Variants in CALM3 observed in about 807,000 individuals in gnomAD.
CALM3 encodes calmodulin-3.
In CALM3, 5 loss-of-function variants were observed where a neutral mutation model predicts 20.1. That is an observed-to-expected ratio of 0.25 (90% CI 0.13 to 0.52). CALM3 has a LOEUF of 0.52. Among genes scored for constraint, CALM3 ranks in the 20% least tolerant of loss-of-function variants. The probability of loss-of-function intolerance (pLI) is 0.96; values close to 1 mark genes in which losing one functional copy is unlikely to be tolerated. For synonymous variants in CALM3, 69 were observed against 68.1 expected (o/e 1.01, Z -0.06); for missense variants, 57 against 192.8 (o/e 0.30, Z 4.17).
In CALM3 at chr19:46,601,683, C is replaced by T. The variant is rs531250222; in HGVS notation, c.3+246C>T. On this transcript the variant is annotated intron_variant, in intron 1 of 5. Transcript: ENST00000291295. This position sits in a 1 kb window ranked among gnomAD's most constrained non-coding sequence, Gnocchi z 4.2. ...TTAAGTCCACAAATGGGTATCTGAG[C>T]CCCTAAAGGGGACATTTGAACCCCG... Among the ~76,000 whole-genome samples the T allele has an allele frequency of 6.6e-6, 1 of 152,310 alleles. No homozygotes were observed. The highest frequency in any genetic ancestry group is 2.4e-5 in the African/African-American group (1 of 41,558).
chr19:46,601,167 G>C (rs953000365), upstream of CALM3: 1 of 557,852 alleles, frequency 1.8e-6, no homozygotes, highest in African/African-American at 2.0e-5. This position sits in a 1 kb window ranked among gnomAD's most constrained non-coding sequence, Gnocchi z 4.2. Context: ...AGAGATTCGC[G>C]GGCCCGTAGG....
Position 46,610,015 on chromosome 19 carries a change from G to C in CALM3, c.*862G>C, listed in dbSNP as rs1971842336. 1.3e-5 allele frequency: 2 copies of C among 152,776 alleles called. No individual in the cohort carries two copies. Among genetic ancestry groups the C allele is most frequent in the African/African-American group, 4.8e-5 (2 of 41,456 alleles). 9.5% of individuals were successfully genotyped at this position (152,776 alleles called of 1,614,324 possible). A position where few individuals can be genotyped will look rare whatever the true frequency, so the allele number is the denominator to read the frequency against. ...CGTCCTAGGAATGGATGTGGGGATG[G>C]TCGCTTTGTAATGTGCTGGTTCTCT... On this transcript the variant is annotated 3_prime_UTR_variant, in exon 6 of 6. Transcript: ENST00000291295.
chr19:46,606,605 A>G (rs953207622), intron 2 of CALM3, among the ~76,000 whole-genome samples: 5 of 152,242 alleles, frequency 3.3e-5, no homozygotes, highest in Middle Eastern at 3.4e-3. Context: ...GCCTGCCTAG[A>G]ACGTAGTAGG....
Position 46,609,156 on chromosome 19 carries a change from G to T in CALM3, c.*3G>T, listed in dbSNP as rs1568667156. 8 of 1,613,812 alleles carry T rather than the reference G, an allele frequency of 5.0e-6. No individual in the cohort carries two copies. The highest frequency in any genetic ancestry group is 1.7e-5 in the Admixed American group (1 of 59,996). On this transcript the variant is annotated 3_prime_UTR_variant, in exon 6 of 6. Transcript: ENST00000291295. ...TACAGATGATGACTGCAAAGTGAAG[G>T]CCCCCCGGGCAGCTGGCGATGCCCG...
Position 46,609,348 on chromosome 19 carries a change from C to CTT in CALM3, c.*195_*196insTT, listed in dbSNP as rs1971820642. 5 of 637,470 alleles carry CTT rather than the reference C, an allele frequency of 7.8e-6. No individual in the cohort carries two copies. In the South Asian group the frequency reaches 9.3e-5, roughly 12 times the overall value. 39.5% of individuals were successfully genotyped at this position (637,470 alleles called of 1,614,324 possible). ...TCTCCTTCTTCCCTGAGTCTCTCTC[C>CTT]ATGCCCCTCATCTCTTCCTTTTGCC... is the stretch of plus-strand genomic sequence containing the variant. On this transcript the variant is annotated 3_prime_UTR_variant, in exon 6 of 6. Transcript: ENST00000291295.
In CALM3 at chr19:46,608,642, A is replaced by G. The variant is rs1321528038; in HGVS notation, c.285+54A>G. 1 of 1,470,984 alleles carries G rather than the reference A, an allele frequency of 6.8e-7. No individual in the cohort carries two copies. The highest frequency in any genetic ancestry group is 9.5e-7 in the Non-Finnish European group (1 of 1,054,718). The allele number at this position is 1,470,984 out of a possible 1,614,324, so 91.1% of individuals were successfully genotyped here. A position where few individuals can be genotyped will look rare whatever the true frequency, so the allele number is the denominator to read the frequency against. ...GAGACTGACGCCAGCCTTCAGGCAG[A>G]CAGGCGGAACTGGAGCCACGGAGCT... On this transcript the variant is annotated intron_variant, in intron 4 of 5. Coordinates refer to ENST00000291295, the MANE Select transcript of CALM3 (RefSeq NM_005184.4). This position sits in a 1 kb window ranked among gnomAD's most constrained non-coding sequence, Gnocchi z 5.5.
upstream of CALM3, chr19:46,601,275 C>T (rs1971605797): frequency 2.0e-6 from 1 of 496,310 alleles, no homozygotes; most frequent in Non-Finnish European, 2.8e-6. The surrounding 1 kb of genome is among the most constrained non-coding windows in gnomAD (Gnocchi z 4.2). Flanking sequence ...GCGCGGCGGC[C>T]GTTGAGGGAC....
In CALM3 at chr19:46,608,717, C is replaced by A; in HGVS notation, c.285+129C>A. ...CGGTGCCAGCCTCATTGCCAACCTG[C>A]TCTGCCACCTCAGGCAGCCTCCCTC... On this transcript the variant is annotated intron_variant, in intron 4 of 5. Transcript: ENST00000291295. The surrounding 1 kb of genome is among the most constrained non-coding windows in gnomAD (Gnocchi z 5.5). 7.8e-7 allele frequency: 1 copy of A among 1,285,136 alleles called. No homozygotes were observed. Among genetic ancestry groups the A allele is most frequent in the Non-Finnish European group, 1.1e-6 (1 of 924,628 alleles). The allele number at this position is 1,285,136 out of a possible 1,614,324, so 79.6% of individuals were successfully genotyped here. A position where few individuals can be genotyped will look rare whatever the true frequency, so the allele number is the denominator to read the frequency against.
At position 46,605,765 on chromosome 19, in the gene CALM3, T is replaced by G; in HGVS notation, c.4-62T>G. ...ACTGGGGCCGAGGGTCTGGGCTGAG[T>G]GAGGAAGATGCGTCCGTGCTGTCCG... On this transcript the variant is annotated intron_variant, in intron 1 of 5. Transcript: ENST00000291295. This position sits in a 1 kb window ranked among gnomAD's most constrained non-coding sequence, Gnocchi z 4.1. The G allele has an allele frequency of 5.7e-6, 9 of 1,570,682 alleles. No homozygotes were observed. The highest frequency in any genetic ancestry group is 6.1e-6 in the Non-Finnish European group (7 of 1,141,156).
Position 46,608,618 on chromosome 19 carries a change from A to G in CALM3, c.285+30A>G, listed in dbSNP as rs374843807. On this transcript the variant is annotated intron_variant, in intron 4 of 5. Transcript: ENST00000291295. This position sits in a 1 kb window ranked among gnomAD's most constrained non-coding sequence, Gnocchi z 5.5. ...GCAGCCCTCTCCAGGGGCGGCTCTG[A>G]GACTGACGCCAGCCTTCAGGCAGAC... 3.2e-5 allele frequency: 49 copies of G among 1,548,988 alleles called. No individual in the cohort carries two copies. Among genetic ancestry groups the G allele is most frequent in the African/African-American group, 4.1e-5 (3 of 73,506 alleles).
Position 46,608,986 on chromosome 19 carries a change from G to A in CALM3, c.421+5G>A, listed in dbSNP as rs376694389. On this transcript the variant is annotated splice_donor_5th_base_variant and intron_variant, in intron 5 of 5. Coordinates refer to ENST00000291295, the MANE Select transcript of CALM3 (RefSeq NM_005184.4). This position sits in a 1 kb window ranked among gnomAD's most constrained non-coding sequence, Gnocchi z 5.5. ...ATGGCCAGGTCAATTATGAAGGTGA[G>A]TCAAGGCCAGGCTTGATCTCTGGAA... is the stretch of plus-strand genomic sequence containing the variant. 8 of 1,602,076 alleles carry A rather than the reference G, an allele frequency of 5.0e-6. No individual in the cohort carries two copies. The highest frequency in any genetic ancestry group is 1.3e-5 in the African/African-American group (1 of 74,824).
In CALM3 at chr19:46,605,950, C is replaced by T. The variant is rs1971734074; in HGVS notation, c.34+93C>T. 2 of 1,095,232 alleles carry T rather than the reference C, an allele frequency of 1.8e-6. No homozygotes were observed. The highest frequency in any genetic ancestry group is 1.7e-5 in the Admixed American group (1 of 58,324). The allele number at this position is 1,095,232 out of a possible 1,614,324, so 67.8% of individuals were successfully genotyped here. Reference sequence around the variant, plus strand: ...TGAGGAGTGACATCTGATGGGTGAACCTGTGTATCCCTTGTGTCACCTAAC... The same window carrying T: ...TGAGGAGTGACATCTGATGGGTGAATCTGTGTATCCCTTGTGTCACCTAAC... On this transcript the variant is annotated intron_variant, in intron 2 of 5. Coordinates refer to ENST00000291295, the MANE Select transcript of CALM3 (RefSeq NM_005184.4). The surrounding 1 kb of genome is among the most constrained non-coding windows in gnomAD (Gnocchi z 4.1).
Position 46,609,444 on chromosome 19 carries a change from G to A in CALM3, c.*291G>A. On this transcript the variant is annotated 3_prime_UTR_variant, in exon 6 of 6. Coordinates refer to ENST00000291295, the MANE Select transcript of CALM3 (RefSeq NM_005184.4). ...GTTGAAGCCCTCCCCAGATCCCCTT[G>A]GGGAGCCTCTGCCCTCCTCCAGCCC... 1 of 500,094 alleles carries A rather than the reference G, an allele frequency of 2.0e-6. No individual in the cohort carries two copies. The allele number at this position is 500,094 out of a possible 1,614,324, so 31.0% of individuals were successfully genotyped here. A position where few individuals can be genotyped will look rare whatever the true frequency, so the allele number is the denominator to read the frequency against.
chr19:46,602,478 T>C (rs946744251), intron 1 of CALM3: 2 of 110,718 alleles, frequency 1.8e-5, no homozygotes, highest in Non-Finnish European at 3.9e-5. Flanking sequence ...GGTTTGGGGG[T>C]GGATGTGGGT....
intron 1 of CALM3, among the ~76,000 whole-genome samples, chr19:46,604,457 C>G (rs1457776316): frequency 1.3e-5 from 2 of 152,120 alleles, no homozygotes; most frequent in Non-Finnish European, 2.9e-5. Context: ...CCTCTTTCCC[C>G]CTCCCTAAGC....
chr19:46,601,252 C>T, upstream of CALM3: 1 of 334,874 alleles, frequency 3.0e-6, no homozygotes, highest in Non-Finnish European at 4.4e-6. The surrounding 1 kb of genome is among the most constrained non-coding windows in gnomAD (Gnocchi z 4.2). Context: ...CGGGGCCGAG[C>T]GAGGCGGGGC....
chr19:46,605,792 C>T lies in CALM3; in HGVS notation c.4-35C>T, dbSNP rs754915710. The T allele has an allele frequency of 2.5e-6, 4 of 1,613,104 alleles. No individual in the cohort carries two copies. The Admixed American group carries it at 6.7e-5, about 27-fold the overall frequency. On this transcript the variant is annotated intron_variant, in intron 1 of 5. Coordinates refer to ENST00000291295, the MANE Select transcript of CALM3 (RefSeq NM_005184.4). This position sits in a 1 kb window ranked among gnomAD's most constrained non-coding sequence, Gnocchi z 4.1. ...AGGAAGATGCGTCCGTGCTGTCCGG[C>T]CTGGTGACTGACTTTCCCCTTCATG...
In CALM3 at chr19:46,608,353, G is replaced by A; in HGVS notation, c.178+13G>A. ...GTGGATGCAGATGGTGAGCCCCACA[G>A]AGCGCGTGGGCAGCCCTGCTCCTGG... is the stretch of plus-strand genomic sequence containing the variant. On this transcript the variant is annotated intron_variant, in intron 3 of 5. Transcript: ENST00000291295. This position sits in a 1 kb window ranked among gnomAD's most constrained non-coding sequence, Gnocchi z 5.5. 6.2e-7 allele frequency: 1 copy of A among 1,613,866 alleles called. No individual in the cohort carries two copies.
At chr19:46,606,906 G>C (rs1334496369) in intron 2 of CALM3, among the ~76,000 whole-genome samples, 1 of 152,122 alleles carries the variant, frequency 6.6e-6, no homozygotes, top group African/African-American at 2.4e-5. Flanking sequence ...CCAGCCCCCA[G>C]CTCTGCTGTC....
Sources: allele counts gnomAD v4.1 joint callset (sites outside exome capture counted in the v4.1 genomes callset), GRCh38; gene constraint gnomAD v4.1.1; non-coding constraint Gnocchi (gnomAD v3.1); transcripts MANE v1.5; gene names NCBI Gene and HGNC (gene_info 2026-07-23, HGNC 2026-07-21).